Variants in CFAP43 observed in about 807,000 individuals in gnomAD.
CFAP43 encodes cilia and flagella associated protein 43, also known as cilia- and flagella-associated protein 43.
CFAP43 carries 155 observed loss-of-function variants against 218.9 expected under a neutral mutation model. The ratio of observed to expected loss-of-function variants is 0.71; its 90% CI spans 0.62 to 0.81. CFAP43 has a LOEUF of 0.81. Ranked by LOEUF, CFAP43 falls within the 30% of genes least tolerant of loss-of-function variation. The pLI is 0.00. For synonymous variants in CFAP43, 645 were observed against 681.3 expected (o/e 0.95, Z 0.83); for missense variants, 1,778 against 1,954.3 (o/e 0.91, Z 1.70).
chr10:104,169,639 A>G (rs2089324371), intron 20 of CFAP43, among the ~76,000 whole-genome samples: 1 of 152,040 alleles, frequency 6.6e-6, no homozygotes, highest in African/African-American at 2.4e-5. Context: ...TGGCAGAATT[A>G]TTAGCAAACT....
At chr10:104,188,170 C>G in intron 13 of CFAP43, 100 bp downstream of exon 13, 1 of 1,473,246 alleles carries the variant, frequency 6.8e-7, no homozygotes, top group South Asian at 1.4e-5. Context: ...GGCCATTTTA[C>G]CTCTTCACAT....
rs150355334 is a variant in CFAP43 at position 104,187,497 on chromosome 10, T to C, written c.1688-5A>G. The C allele has an allele frequency of 9.7e-6, 15 of 1,543,976 alleles. No individual in the cohort carries two copies. The East Asian group carries it at 3.3e-4, about 34-fold the overall frequency. ...CATCAGCAAAGGTTGTGGAAACTAT[T>C]AGATTTGGAAAAAGAAGAGAAATCA... On this transcript the variant is annotated splice_polypyrimidine_tract_variant and splice_region_variant and intron_variant, in intron 13 of 37. Coordinates refer to ENST00000357060, the MANE Select transcript of CFAP43 (RefSeq NM_025145.7).
intron 17 of CFAP43, among the ~76,000 whole-genome samples, chr10:104,180,747 C>T (rs899780757): frequency 4.6e-5 from 7 of 152,174 alleles, no homozygotes; most frequent in Non-Finnish European, 5.9e-5. Context: ...CCGTCCCCGC[C>T]GGCCCACCAC....
At chr10:104,183,174 G>A (rs1564767597) in intron 16 of CFAP43, among the ~76,000 whole-genome samples, 2 of 152,090 alleles carry the variant, frequency 1.3e-5, no homozygotes, top group South Asian at 4.1e-4. Context: ...AACTTTGGAC[G>A]CATCAGCATC....
intron 5 of CFAP43, among the ~76,000 whole-genome samples, chr10:104,211,519 C>T (rs1344843337): frequency 1.3e-5 from 2 of 152,200 alleles, no homozygotes; most frequent in Non-Finnish European, 2.9e-5. Flanking sequence ...GCTCCTACTT[C>T]TGTGACTGCG....
intron 18 of CFAP43, 131 bp downstream of exon 18, chr10:104,179,709 T>C: frequency 1.5e-6 from 1 of 682,516 alleles, no homozygotes; most frequent in South Asian, 1.9e-5. Context: ...GTTACACCTG[T>C]ATGTTGTAAT....
chr10:104,198,892 C>T (rs756607159), intron 8 of CFAP43, among the ~76,000 whole-genome samples: 1 of 151,994 alleles, frequency 6.6e-6, no homozygotes, highest in Non-Finnish European at 1.5e-5. Context: ...CTCAAGTAAT[C>T]CCCCCTCCTC....
intron 2 of CFAP43, among the ~76,000 whole-genome samples, chr10:104,229,771 C>T (rs502295): frequency 0.03 from 4,523 of 152,222 alleles, 228 homozygotes; most frequent in African/African-American, 0.1. Flanking sequence ...TCATCATCAC[C>T]GCAGCCTTCA....
At chr10:104,224,553 A>G (rs112118894) in intron 3 of CFAP43, among the ~76,000 whole-genome samples, 1,737 of 151,542 alleles carry the variant, frequency 0.011, 24 homozygotes, top group African/African-American at 0.036. Flanking sequence ...TCAGGAGTTC[A>G]AGACCAGCCT....
At position 104,197,930 on chromosome 10, in the gene CFAP43, A is replaced by G. The variant is rs1367506815; in HGVS notation, c.1204T>C (p.Tyr402His). 24 of 1,597,998 alleles carry G rather than the reference A, an allele frequency of 1.5e-5. No individual in the cohort carries two copies. The highest frequency in any genetic ancestry group is 2.1e-5 in the Non-Finnish European group (24 of 1,165,928). ...AGTAAAATATTCTTTACCATGAAGT[A>G]TTGGGTTCCAGGTGTGATAAAGTCA... ...AIDFITPGTQ[Y>H]FMTLTYSGEI... is the part of the protein sequence containing the mutation. The change falls in exon 9 of 38, where the codon TAC becomes CAC. Residue 402 changes from tyrosine to histidine, a missense_variant. Physicochemically the swap from Tyr to His is moderately conservative, Grantham distance 83. Around this residue, in one of 3 missense-constraint regions of CFAP43, gnomAD observed 1,553 missense variants for 1,685.2 expected, o/e 0.92. Coordinates refer to ENST00000357060, the MANE Select transcript of CFAP43 (RefSeq NM_025145.7).
intron 20 of CFAP43, among the ~76,000 whole-genome samples, chr10:104,170,170 T>C (rs930720901): frequency 1.3e-5 from 2 of 151,952 alleles, no homozygotes; most frequent in East Asian, 1.9e-4. Context: ...AATCTGGTGT[T>C]ACTATCTCTT....
At chr10:104,206,900 G>A (rs762865980) in intron 6 of CFAP43, among the ~76,000 whole-genome samples, 5 of 152,290 alleles carry the variant, frequency 3.3e-5, no homozygotes, top group Admixed American at 6.5e-5. Context: ...ATGGCAGGGT[G>A]TGGTGGCTCC....
At chr10:104,186,631 C>A (rs1179509360) in intron 14 of CFAP43, among the ~76,000 whole-genome samples, 4 of 152,306 alleles carry the variant, frequency 2.6e-5, no homozygotes, top group Non-Finnish European at 5.9e-5. Flanking sequence ...ATCTGACTTA[C>A]TTTTCAAAGT....
chr10:104,186,699 C>A (rs1046599290), intron 14 of CFAP43, among the ~76,000 whole-genome samples: 3 of 152,142 alleles, frequency 2.0e-5, no homozygotes, highest in African/African-American at 7.2e-5. Context: ...TGCCACTAAT[C>A]ATTTATTCCT....
At chr10:104,179,744 C>T in intron 18 of CFAP43, 96 bp downstream of exon 18, 1 of 925,846 alleles carries the variant, frequency 1.1e-6, no homozygotes. Context: ...TGTCTCATTC[C>T]ATCTTCTAAC....
intron 28 of CFAP43, among the ~76,000 whole-genome samples, chr10:104,149,683 T>C: frequency 6.6e-6 from 1 of 152,258 alleles, no homozygotes. Flanking sequence ...TGAATTATTT[T>C]GATATTACTG....
At chr10:104,218,931 A>C in intron 3 of CFAP43, 1 of 454,386 alleles carries the variant, frequency 2.2e-6, no homozygotes, top group Non-Finnish European at 4.5e-6. Flanking sequence ...CCACCACACC[A>C]ACCACAGCTG....
At position 104,164,262 on chromosome 10, in the gene CFAP43, C is replaced by T. The variant is rs754750551; in HGVS notation, c.3078G>A (p.Glu1026=). 2 of 1,611,396 alleles carry T rather than the reference C, an allele frequency of 1.2e-6. No homozygotes were observed. The stretch of plus-strand genomic sequence containing the variant: ...CTTTTTGTTTATATGCAGCGTCAAA[C>T]TCATTATTGAAAACAGTTTTTACCT... ...IYKVKTVFNN[E]FDAAYKQKEF... The change falls in exon 24 of 38, where the codon GAG becomes GAA. Residue 1026 remains glutamate (E), a synonymous_variant. Coordinates refer to ENST00000357060, the MANE Select transcript of CFAP43 (RefSeq NM_025145.7).
At position 104,155,749 on chromosome 10, in the gene CFAP43, C is replaced by A. The variant is rs2088510589; in HGVS notation, c.3541-3023G>T. On this transcript the variant is annotated intron_variant, in intron 27 of 37. Transcript: ENST00000357060. ...GTAGCTAAAAGGGGGAAGAGCGCTC[C>A]AGGCCAAGGATACAGTGTGTCAAGG... 2.0e-5 allele frequency among the ~76,000 whole-genome samples: 3 copies of A among 151,942 alleles called. No individual in the cohort carries two copies. In the South Asian group the frequency reaches 6.2e-4, roughly 31 times the overall value.
Sources: allele counts gnomAD v4.1 joint callset (sites outside exome capture counted in the v4.1 genomes callset), GRCh38; gene constraint gnomAD v4.1.1; regional missense constraint gnomAD v4.1.1; transcripts MANE v1.5; gene names NCBI Gene and HGNC (gene_info 2026-07-23, HGNC 2026-07-21).